Variants in CSMD3 observed in about 807,000 individuals in gnomAD.
The protein encoded by CSMD3 is CUB and Sushi multiple domains 3.
CSMD3 carries 177 observed loss-of-function variants against 435.2 expected under a neutral mutation model. That is an observed-to-expected ratio of 0.41 (90% confidence interval 0.36 to 0.46). CSMD3 has a LOEUF of 0.46. CSMD3 is among the 20% of genes least tolerant of loss of function. CSMD3 has a pLI of 0.34. For missense variants in CSMD3, 4,265 were observed against 4,504.6 expected, an observed-to-expected ratio of 0.95 and a Z score of 1.52; for synonymous variants, 1,656 against 1,520.5, an observed-to-expected ratio of 1.09 and a Z score of -2.07.
chr8:112,657,673 T>A (rs2075288592), intron 17 of CSMD3, among the ~76,000 whole-genome samples: 1 of 152,242 alleles, frequency 6.6e-6, no homozygotes, highest in Non-Finnish European at 1.5e-5. Context: ...TTATGTGAAC[T>A]CATGGAGTAC....
chr8:112,305,319 C>A (rs1157093626), intron 51 of CSMD3, among the ~76,000 whole-genome samples: 1 of 152,008 alleles, frequency 6.6e-6, no homozygotes, highest in Non-Finnish European at 1.5e-5. Context: ...AAGTAGAAGC[C>A]TTATTAGAAA....
intron 4 of CSMD3, among the ~76,000 whole-genome samples, chr8:113,121,218 A>C: frequency 6.6e-6 from 1 of 152,130 alleles, no homozygotes; most frequent in East Asian, 1.9e-4. Context: ...TCTACTAAAA[A>C]CCAAAAGATT....
At chr8:112,647,162 A>G (rs1436114189) in intron 19 of CSMD3, among the ~76,000 whole-genome samples, 1 of 152,150 alleles carries the variant, frequency 6.6e-6, no homozygotes, top group Non-Finnish European at 1.5e-5. Flanking sequence ...CATTAAGAGT[A>G]CTATTTTAGC....
At chr8:112,775,037 G>A (rs1376356416) in intron 13 of CSMD3, among the ~76,000 whole-genome samples, 3 of 151,784 alleles carry the variant, frequency 2.0e-5, no homozygotes, top group African/African-American at 7.3e-5. Flanking sequence ...TGCTTTTTAT[G>A]CAGTGTAAGA....
chr8:113,126,899 C>T lies in CSMD3; in HGVS notation c.710-27936G>A, dbSNP rs2091148071. On this transcript the variant is annotated intron_variant, in intron 4 of 70. Coordinates refer to ENST00000297405, the MANE Select transcript of CSMD3 (RefSeq NM_198123.2). ...GCCTAAGTCAATCCCATCTTTTCCCCTCTCCTCCTAGATAATTCCTTCCCC... is the reference window on the plus strand; with the variant it reads ...GCCTAAGTCAATCCCATCTTTTCCCTTCTCCTCCTAGATAATTCCTTCCCC... Among the ~76,000 whole-genome samples the T allele has an allele frequency of 2.6e-5, 4 of 151,874 alleles. 1 individual carries two copies. In the South Asian group the frequency reaches 8.3e-4, roughly 32 times the overall value.
chr8:112,553,225 G>T (rs1354180856), intron 25 of CSMD3, among the ~76,000 whole-genome samples: 2 of 151,860 alleles, frequency 1.3e-5, no homozygotes, highest in African/African-American at 4.8e-5. Context: ...AGTCAAAATG[G>T]CATTTTTTAT....
intron 5 of CSMD3, among the ~76,000 whole-genome samples, chr8:113,098,176 T>C (rs1378627762): frequency 6.6e-6 from 1 of 152,064 alleles, no homozygotes. Flanking sequence ...ATCTCTTTCC[T>C]TTATCAGTGT....
At chr8:113,206,979 C>T (rs555556570) in intron 3 of CSMD3, among the ~76,000 whole-genome samples, 5 of 152,212 alleles carry the variant, frequency 3.3e-5, no homozygotes, top group African/African-American at 9.6e-5. Context: ...TATGAAATTT[C>T]GGCATCTAGT....
intron 30 of CSMD3, among the ~76,000 whole-genome samples, chr8:112,499,697 A>G (rs1339525385): frequency 6.6e-6 from 1 of 152,230 alleles, no homozygotes; most frequent in African/African-American, 2.4e-5. Context: ...AAGAAAAATC[A>G]TAATGCTATA....
At chr8:112,611,306 G>A (rs969909954) in intron 22 of CSMD3, among the ~76,000 whole-genome samples, 9 of 152,046 alleles carry the variant, frequency 5.9e-5, no homozygotes, top group African/African-American at 2.2e-4. Context: ...CTTCCCAAAA[G>A]CATTTCTTAT....
At chr8:113,186,010 A>G (rs534155545) in intron 3 of CSMD3, among the ~76,000 whole-genome samples, 1 of 152,104 alleles carries the variant, frequency 6.6e-6, no homozygotes, top group Admixed American at 6.5e-5. Flanking sequence ...TATTGACATT[A>G]TGTGCCTGAG....
intron 13 of CSMD3, among the ~76,000 whole-genome samples, chr8:112,690,643 C>T (rs1330751675): frequency 6.7e-6 from 1 of 148,376 alleles, no homozygotes; most frequent in Non-Finnish European, 1.5e-5. Context: ...GTTTTGAATT[C>T]CAAATTACTC....
intron 40 of CSMD3, among the ~76,000 whole-genome samples, chr8:112,346,901 G>GCT (rs1563821507): frequency 6.6e-6 from 1 of 151,696 alleles, no homozygotes; most frequent in Non-Finnish European, 1.5e-5. Flanking sequence ...GGATGGTCTT[G>GCT]ATCTCCTGAC....
intron 17 of CSMD3, among the ~76,000 whole-genome samples, chr8:112,656,774 T>C (rs2075267960): frequency 6.6e-6 from 1 of 152,128 alleles, no homozygotes; most frequent in Admixed American, 6.5e-5. Flanking sequence ...AATTATTTTT[T>C]ATTCAAGTGT....
intron 58 of CSMD3, among the ~76,000 whole-genome samples, chr8:112,281,712 CAT>C (rs1474022235): frequency 6.6e-6 from 1 of 151,990 alleles, no homozygotes; most frequent in Non-Finnish European, 1.5e-5. Context: ...AATTGGAAGA[CAT>C]GTAACAATGA....
chr8:112,641,364 T>G (rs1021563862), intron 20 of CSMD3, among the ~76,000 whole-genome samples: 1 of 152,182 alleles, frequency 6.6e-6, no homozygotes, highest in African/African-American at 2.4e-5. Flanking sequence ...CTAGTCATTA[T>G]AGAATATAAA....
Position 113,314,756 on chromosome 8 carries a change from A to C in CSMD3, c.216T>G (p.Leu72=). The part of the protein sequence containing the change: ...IYTCGGTLKG[L]NGTIESPGFP... ...AACCAGGGCTTTCTATAGTGCCATT[A>C]AGTCCTTTTAAAGTTCCACCACATG... The change falls in exon 2 of 71, where the codon CTT becomes CTG. Residue 72 remains leucine, a synonymous_variant. Coordinates refer to ENST00000297405, the MANE Select transcript of CSMD3 (RefSeq NM_198123.2). 6.2e-7 allele frequency: 1 copy of C among 1,612,506 alleles called. No homozygotes were observed. The highest frequency in any genetic ancestry group is 8.5e-7 in the Non-Finnish European group (1 of 1,178,904).
At chr8:113,048,798 TTC>T (rs945699363) in intron 5 of CSMD3, among the ~76,000 whole-genome samples, 10 of 152,258 alleles carry the variant, frequency 6.6e-5, no homozygotes, top group Non-Finnish European at 7.4e-5. Context: ...ATTTTTCACT[TTC>T]TGTCAGTAAA....
At chr8:113,209,492 A>T (rs1347093307) in intron 3 of CSMD3, among the ~76,000 whole-genome samples, 1 of 152,134 alleles carries the variant, frequency 6.6e-6, no homozygotes, top group Non-Finnish European at 1.5e-5. Flanking sequence ...TAGGGATTCA[A>T]GGAAGTCTTA....
Sources: allele counts gnomAD v4.1 joint callset (sites outside exome capture counted in the v4.1 genomes callset), GRCh38; gene constraint gnomAD v4.1.1; transcripts MANE v1.5; gene names NCBI Gene and HGNC (gene_info 2026-07-23, HGNC 2026-07-21).